Variants in CFAP20DC observed in about 807,000 individuals in gnomAD.
CFAP20DC encodes CFAP20 domain containing.
A neutral mutation model predicts 101.7 loss-of-function variants in CFAP20DC; 84 were observed. The observed-to-expected ratio is 0.83, with a 90% CI of 0.69 to 0.99. The LOEUF is 0.99. CFAP20DC is among the 50% of genes least tolerant of loss of function. The pLI is 0.00. For synonymous variants in CFAP20DC, 359 were observed against 351.2 expected, an observed-to-expected ratio of 1.02 and a Z score of -0.25; for missense variants, 1,007 against 970.3, an observed-to-expected ratio of 1.04 and a Z score of -0.50.
chr3:58,992,406 A>G lies in CFAP20DC; in HGVS notation c.278+47151T>C, dbSNP rs559902168. ...GGTTGTCAAAGGCACATGGGGAGTG[A>G]GTGGCATATGGCCCTAACTATGTAC... On this transcript the variant is annotated intron_variant, in intron 4 of 16. Coordinates refer to ENST00000482387, the MANE Select transcript of CFAP20DC (RefSeq NM_001394063.1). 14 of 195,366 alleles carry G rather than the reference A, an allele frequency of 7.2e-5. No individual in the cohort carries two copies. The South Asian group carries it at 1.4e-3, about 20-fold the overall frequency. 12.1% of individuals were successfully genotyped at this position (195,366 alleles called of 1,614,324 possible). A position where few individuals can be genotyped will look rare whatever the true frequency, so the allele number is the denominator to read the frequency against.
chr3:58,777,487 T>A (rs768608865), intron 15 of CFAP20DC, among the ~76,000 whole-genome samples: 1 of 152,162 alleles, frequency 6.6e-6, no homozygotes, highest in Non-Finnish European at 1.5e-5. Flanking sequence ...CAGCAGCCTA[T>A]AAATGTGTGA....
At chr3:58,943,800 C>T (rs1559871203) in intron 4 of CFAP20DC, among the ~76,000 whole-genome samples, 1 of 151,864 alleles carries the variant, frequency 6.6e-6, no homozygotes, top group Admixed American at 6.6e-5. Flanking sequence ...ATGTTTTAAC[C>T]CAATGCAAGG....
At chr3:58,945,696 T>C (rs1005560124) in intron 4 of CFAP20DC, among the ~76,000 whole-genome samples, 2 of 147,966 alleles carry the variant, frequency 1.4e-5, no homozygotes, top group Admixed American at 6.6e-5. Context: ...AAAGTCACTT[T>C]CTTTTTTTTT....
intron 15 of CFAP20DC, among the ~76,000 whole-genome samples, chr3:58,764,514 C>T (rs929176906): frequency 1.3e-5 from 2 of 152,312 alleles, no homozygotes; most frequent in African/African-American, 4.8e-5. Context: ...CCTGCTTCAG[C>T]TCACGGTCGG....
intron 4 of CFAP20DC, among the ~76,000 whole-genome samples, chr3:58,946,098 T>G (rs542655213): frequency 6.6e-6 from 1 of 151,790 alleles, no homozygotes; most frequent in South Asian, 2.1e-4. Context: ...TTTTACTGGT[T>G]TCTCAACTGC....
rs1044568805 is a variant in CFAP20DC, at chr3:58,912,062, C to T, written c.550+1646G>A. Among the ~76,000 whole-genome samples, 3 of 152,108 alleles carry T rather than the reference C, an allele frequency of 2.0e-5. No homozygotes were observed. The highest frequency in any genetic ancestry group is 1.3e-4 in the Admixed American group (2 of 15,234). On this transcript the variant is annotated intron_variant, in intron 6 of 16. Coordinates refer to ENST00000482387, the MANE Select transcript of CFAP20DC (RefSeq NM_001394063.1). The surrounding 1 kb of genome is among the most constrained non-coding windows in gnomAD (Gnocchi z 4.4). Reference sequence around the variant, plus strand: ...TGCTTAATCTTATAAAATTTACAAACGTCTCTTGTCCGTTATTGTCTCCCC... The same window carrying T: ...TGCTTAATCTTATAAAATTTACAAATGTCTCTTGTCCGTTATTGTCTCCCC...
In CFAP20DC at chr3:58,892,462, A is replaced by G. The variant is rs931627529; in HGVS notation, c.551-7753T>C. 2.6e-5 allele frequency among the ~76,000 whole-genome samples: 4 copies of G among 152,192 alleles called. No individual in the cohort carries two copies. Among genetic ancestry groups the G allele is most frequent in the Non-Finnish European group, 5.9e-5 (4 of 68,038 alleles). ...TTCATGATATTGATTCTTCCTATCC[A>G]TGAGCATGGAATGTTTTTCCATTTG... On this transcript the variant is annotated intron_variant, in intron 6 of 16. Coordinates refer to ENST00000482387, the MANE Select transcript of CFAP20DC (RefSeq NM_001394063.1). The surrounding 1 kb of genome is among the most constrained non-coding windows in gnomAD (Gnocchi z 4.0).
At chr3:58,814,599 T>C (rs560356822) in intron 14 of CFAP20DC, among the ~76,000 whole-genome samples, 13 of 151,444 alleles carry the variant, frequency 8.6e-5, no homozygotes, top group African/African-American at 3.2e-4. Context: ...ATTGTATATC[T>C]AGAAAACCCC....
intron 4 of CFAP20DC, among the ~76,000 whole-genome samples, chr3:58,990,756 T>G (rs1229442833): frequency 7.2e-6 from 1 of 138,582 alleles, no homozygotes; most frequent in Non-Finnish European, 1.6e-5. Flanking sequence ...GCTCAGCTGG[T>G]GTGTGTGTGT....
rs73840008 is a variant in CFAP20DC at position 58,913,674 on chromosome 3, G to T, written c.550+34C>A. ...TGGCTAATTTTAAAAATACATCAGA[G>T]AATTAAAAAATCTTGATAGCAACCT... On this transcript the variant is annotated intron_variant, in intron 6 of 16. Transcript: ENST00000482387. The surrounding 1 kb of genome is among the most constrained non-coding windows in gnomAD (Gnocchi z 4.4). 5,317 of 1,606,448 alleles carry T rather than the reference G, an allele frequency of 3.3e-3. 151 individuals carry two copies. The African/African-American group carries it at 0.062, about 19-fold the overall frequency.
At chr3:58,773,586 G>A (rs924616332) in intron 15 of CFAP20DC, among the ~76,000 whole-genome samples, 4 of 151,808 alleles carry the variant, frequency 2.6e-5, no homozygotes, top group East Asian at 1.9e-4. Context: ...AAAAGTAAAC[G>A]CCAATGATGA....
chr3:58,878,323 C>T (rs912918813), intron 7 of CFAP20DC, among the ~76,000 whole-genome samples: 2 of 152,170 alleles, frequency 1.3e-5, no homozygotes, highest in African/African-American at 4.8e-5. Context: ...AATTAGATCT[C>T]TTTCTCCTCT....
chr3:58,816,549 G>T (rs567624022), intron 14 of CFAP20DC, among the ~76,000 whole-genome samples: 101 of 152,258 alleles, frequency 6.6e-4, no homozygotes, highest in African/African-American at 2.4e-3. Context: ...TGGAAAATCG[G>T]GTGACTCCCA....
chr3:58,793,459 A>G (rs2073011113), intron 15 of CFAP20DC, among the ~76,000 whole-genome samples: 1 of 152,120 alleles, frequency 6.6e-6, no homozygotes, highest in South Asian at 2.1e-4. Flanking sequence ...ATTTTTCTGG[A>G]CTTTTAATGT....
intron 12 of CFAP20DC, among the ~76,000 whole-genome samples, chr3:58,856,545 G>T (rs1433872857): frequency 1.3e-5 from 2 of 152,164 alleles, no homozygotes; most frequent in Non-Finnish European, 2.9e-5. Flanking sequence ...TTCCCCACCA[G>T]TCTGGGCACC....
At chr3:58,849,757 C>T (rs1453174074) in intron 12 of CFAP20DC, among the ~76,000 whole-genome samples, 2 of 152,024 alleles carry the variant, frequency 1.3e-5, no homozygotes, top group East Asian at 1.9e-4. Context: ...ATCTAAGAAT[C>T]GTATACTTTG....
chr3:58,802,671 T>A (rs1454630207), intron 15 of CFAP20DC, among the ~76,000 whole-genome samples: 1 of 152,230 alleles, frequency 6.6e-6, no homozygotes, highest in Non-Finnish European at 1.5e-5. Flanking sequence ...GAAAAATGAT[T>A]ACTGTTGCAT....
chr3:58,997,683 A>G (rs141282809), intron 4 of CFAP20DC, among the ~76,000 whole-genome samples: 2 of 152,350 alleles, frequency 1.3e-5, no homozygotes, highest in East Asian at 3.9e-4. Context: ...TGGGCTTGGA[A>G]GAATGAATGT....
chr3:58,795,923 G>A lies in CFAP20DC; in HGVS notation c.2237+10472C>T, dbSNP rs1176228955. Among the ~76,000 whole-genome samples, 1 of 152,180 alleles carries A rather than the reference G, an allele frequency of 6.6e-6. No homozygotes were observed. Among genetic ancestry groups the A allele is most frequent in the Non-Finnish European group, 1.5e-5 (1 of 68,036 alleles). ...CAAAAGAGACCTGGTCAGAGAGGAG[G>A]CAGGTGTCTCAACTAAGGAAACTGG... On this transcript the variant is annotated intron_variant, in intron 15 of 16. Transcript: ENST00000482387. The surrounding 1 kb of genome is among the most constrained non-coding windows in gnomAD (Gnocchi z 4.2).
Sources: gnomAD v4.1 joint callset for allele counts (sites outside exome capture counted in the v4.1 genomes callset) on GRCh38, gnomAD v4.1.1 for gene constraint, Gnocchi (gnomAD v3.1) non-coding constraint, MANE v1.5 for transcripts, NCBI Gene and HGNC (gene_info 2026-07-23, HGNC 2026-07-21) for gene names.